The following SORCS3 variants were observed in gnomAD, a reference collection of about 807,000 sequenced individuals.
SORCS3 encodes the protein VPS10 domain-containing receptor SorCS3.
In SORCS3, 57 loss-of-function variants were observed where a neutral mutation model predicts 146.3. The ratio of observed to expected loss-of-function variants is 0.39; its 90% confidence interval spans 0.31 to 0.49. SORCS3 has a LOEUF of 0.49. Among genes scored for constraint, SORCS3 ranks in the 20% least tolerant of loss-of-function variants. The pLI is 0.92. For missense variants in SORCS3, 1,341 were observed against 1,575.5 expected, an observed-to-expected ratio of 0.85 and a Z score of 2.52; for synonymous variants, 653 against 618.5, an observed-to-expected ratio of 1.06 and a Z score of -0.83.
intron 5 of SORCS3, among the ~76,000 whole-genome samples, chr10:105,056,652 C>A (rs1361941300): frequency 6.6e-6 from 1 of 152,172 alleles, no homozygotes; most frequent in Non-Finnish European, 1.5e-5. Flanking sequence ...GAGCTACTGA[C>A]TTATGACAGA....
chr10:105,192,776 G>T (rs1455148924), intron 14 of SORCS3, among the ~76,000 whole-genome samples: 1 of 152,130 alleles, frequency 6.6e-6, no homozygotes, highest in Non-Finnish European at 1.5e-5. Context: ...TTTCTTGAAG[G>T]ATTGTGGTCA....
chr10:104,926,950 A>AT (rs994947025), intron 3 of SORCS3, among the ~76,000 whole-genome samples: 6 of 152,304 alleles, frequency 3.9e-5, no homozygotes, highest in African/African-American at 7.2e-5. Flanking sequence ...GTATATCGTA[A>AT]TTTTTTTAAA....
At chr10:104,693,094 C>T (rs1347561300) in intron 1 of SORCS3, among the ~76,000 whole-genome samples, 1 of 152,218 alleles carries the variant, frequency 6.6e-6, no homozygotes, top group Non-Finnish European at 1.5e-5. Flanking sequence ...GATTGCAATT[C>T]TTAGGGGATT....
At chr10:104,703,710 T>C (rs1390070786) in intron 1 of SORCS3, among the ~76,000 whole-genome samples, 1 of 53,652 alleles carries the variant, frequency 1.9e-5, no homozygotes, top group Non-Finnish European at 4.1e-5. Context: ...ACATGTATCC[T>C]GTTTTTTTTT....
intron 15 of SORCS3, 56 bp downstream of exon 15, chr10:105,200,172 T>C (rs2119613979): frequency 7.5e-7 from 1 of 1,340,490 alleles, no homozygotes; most frequent in Non-Finnish European, 1.1e-6. Flanking sequence ...CTAGTGCAAG[T>C]CCGACTGGGT....
chr10:104,960,047 A>G (rs1477102825), intron 3 of SORCS3, among the ~76,000 whole-genome samples: 2 of 152,096 alleles, frequency 1.3e-5, no homozygotes, highest in African/African-American at 2.4e-5. Context: ...CGTTGATCAC[A>G]TCTAGCATTT....
intron 7 of SORCS3, among the ~76,000 whole-genome samples, chr10:105,113,577 A>G (rs746876289): frequency 1.3e-5 from 2 of 152,172 alleles, no homozygotes; most frequent in East Asian, 1.9e-4. Context: ...AGAAGGGTCC[A>G]TAAACCACCC....
chr10:104,882,021 G>A (rs1199586597), intron 2 of SORCS3, among the ~76,000 whole-genome samples: 1 of 152,184 alleles, frequency 6.6e-6, no homozygotes, highest in African/African-American at 2.4e-5. Flanking sequence ...TGAAGCTAGA[G>A]GTGATGAGCT....
chr10:104,710,590 AG>A (rs759383622), intron 1 of SORCS3, among the ~76,000 whole-genome samples: 1 of 152,242 alleles, frequency 6.6e-6, no homozygotes, highest in Non-Finnish European at 1.5e-5. Context: ...GAGAAAAGCC[AG>A]AATGAAGTGA....
chr10:104,641,881 G>C lies in SORCS3; in HGVS notation c.554G>C (p.Ser185Thr), dbSNP rs763918709. ...GSAAEDLRLP[S>T]TSFALTGDSA... ...GCGGCTGAAGACCTCCGGCTGCCCAGCACCTCCTTCGCGCTGACCGGGGAC... is the reference window on the plus strand; with the variant it reads ...GCGGCTGAAGACCTCCGGCTGCCCACCACCTCCTTCGCGCTGACCGGGGAC... Residue 185 changes from serine (S) to threonine (T), a missense_variant, in exon 1 of 27, where the codon AGC becomes ACC. Coordinates refer to ENST00000369701, the MANE Select transcript of SORCS3 (RefSeq NM_014978.3). The surrounding 1 kb of genome is among the most constrained non-coding windows in gnomAD (Gnocchi z 6.4). 1.9e-6 allele frequency: 3 copies of C among 1,590,792 alleles called. No homozygotes were observed. In the Admixed American group the frequency reaches 5.1e-5, roughly 27 times the overall value.
chr10:105,164,417 A>C (rs1249297151), intron 12 of SORCS3, 38 bp downstream of exon 12: 1 of 1,381,456 alleles, frequency 7.2e-7, no homozygotes, highest in Non-Finnish European at 1.0e-6. Flanking sequence ...GGAGGCATTT[A>C]GAGTAAGTTC....
At chr10:105,175,214 A>ATTTTTTTTT (rs71482448) in intron 13 of SORCS3, among the ~76,000 whole-genome samples, 2 of 134,640 alleles carry the variant, frequency 1.5e-5, no homozygotes, top group African/African-American at 5.6e-5. Context: ...TGCTTGGCTA[A>ATTTTTTTTT]TTTTTTTTTT....
In SORCS3 at chr10:105,035,339, T is replaced by C. The variant is rs572578993; in HGVS notation, c.955-7716T>C. ...AGTCTCCAGATTCTCTGGGGGATGC[T>C]GTATTCGTTTGGCTTTTGGAGATGC... On this transcript the variant is annotated intron_variant, in intron 4 of 26. Coordinates refer to ENST00000369701, the MANE Select transcript of SORCS3 (RefSeq NM_014978.3). Among the ~76,000 whole-genome samples the C allele has an allele frequency of 1.8e-3, 273 of 152,358 alleles. 1 individual carries two copies. Among genetic ancestry groups the C allele is most frequent in the African/African-American group, 6.1e-3 (255 of 41,586 alleles).
chr10:105,235,141 A>G (rs142384995), intron 20 of SORCS3, among the ~76,000 whole-genome samples: 3 of 152,214 alleles, frequency 2.0e-5, no homozygotes, highest in African/African-American at 7.2e-5. Flanking sequence ...GTTCTCCCAC[A>G]TGGAAGGATA....
intron 1 of SORCS3, among the ~76,000 whole-genome samples, chr10:104,713,907 T>A (rs550571519): frequency 4.8e-4 from 73 of 152,232 alleles, no homozygotes; most frequent in Admixed American, 2.4e-3. Context: ...TTTTGGAAGG[T>A]TTATTATTGA....
chr10:104,644,742 A>G (rs1007627883), intron 1 of SORCS3, among the ~76,000 whole-genome samples: 1 of 152,204 alleles, frequency 6.6e-6, no homozygotes, highest in Non-Finnish European at 1.5e-5. Flanking sequence ...TCAGGAGGCC[A>G]CCAGTTTAAT....
intron 3 of SORCS3, among the ~76,000 whole-genome samples, chr10:104,976,076 A>C (rs1318732275): frequency 6.6e-5 from 10 of 152,334 alleles, no homozygotes; most frequent in South Asian, 2.1e-4. Flanking sequence ...TAATTAAACT[A>C]AAGAGCTTCT....
At chr10:105,005,070 A>C (rs895977420) in intron 4 of SORCS3, among the ~76,000 whole-genome samples, 1 of 152,194 alleles carries the variant, frequency 6.6e-6, no homozygotes, top group African/African-American at 2.4e-5. Context: ...AAACTTTCTC[A>C]TTCTCAGTTT....
chr10:104,946,083 G>A (rs1329669482), intron 3 of SORCS3, among the ~76,000 whole-genome samples: 1 of 151,986 alleles, frequency 6.6e-6, no homozygotes, highest in Non-Finnish European at 1.5e-5. Context: ...GACTCTGGTA[G>A]GGTACTGTTG....
Sources: gnomAD v4.1 joint callset for allele counts (sites outside exome capture counted in the v4.1 genomes callset) on GRCh38, gnomAD v4.1.1 for gene constraint, Gnocchi (gnomAD v3.1) non-coding constraint, MANE v1.5 for transcripts, NCBI Gene and HGNC (gene_info 2026-07-23, HGNC 2026-07-21) for gene names.